CCDC112: variants seen among roughly 807,000 people sequenced by gnomAD.
CCDC112 encodes coiled-coil domain-containing protein 112.
A neutral mutation model predicts 66.3 loss-of-function variants in CCDC112; 40 were observed. That is an observed-to-expected ratio of 0.60 (90% confidence interval 0.47 to 0.79). The LOEUF is 0.79. Ranked by LOEUF, CCDC112 falls within the 30% of genes least tolerant of loss-of-function variation. The probability of loss-of-function intolerance (pLI) is 0.00; values close to 1 mark genes in which losing one functional copy is unlikely to be tolerated. For missense variants in CCDC112, 659 were observed against 603.8 expected (o/e 1.09, Z -0.96); for synonymous variants, 214 against 197.2 (o/e 1.09, Z -0.71).
At chr5:115,285,804 C>A (rs182686864) in intron 1 of CCDC112, among the ~76,000 whole-genome samples, 16 of 152,036 alleles carry the variant, frequency 1.1e-4, no homozygotes. Context: ...AGACTGGAAG[C>A]AGGAGATCAA....
chr5:115,286,085 G>A (rs1030199373), intron 1 of CCDC112, among the ~76,000 whole-genome samples: 3 of 152,202 alleles, frequency 2.0e-5, no homozygotes, highest in Admixed American at 6.5e-5. Context: ...TGTTTGAAGT[G>A]TACAATTCAG....
intron 9 of CCDC112, 73 bp downstream of exon 9, chr5:115,268,809 A>G: frequency 1.6e-6 from 1 of 640,258 alleles, no homozygotes; most frequent in Non-Finnish European, 2.6e-6. Context: ...TAATTTACAT[A>G]TAGTAAGTGC....
chr5:115,293,918 A>G (rs1750040502), intron 1 of CCDC112, among the ~76,000 whole-genome samples: 1 of 152,234 alleles, frequency 6.6e-6, no homozygotes, highest in Non-Finnish European at 1.5e-5. Context: ...TGATACTGTT[A>G]AAGATACTTC....
In CCDC112 at chr5:115,275,437, C is replaced by A. The variant is rs375526279; in HGVS notation, c.697G>T (p.Val233Leu). 1.9e-6 allele frequency: 3 copies of A among 1,613,860 alleles called. No homozygotes were observed. The highest frequency in any genetic ancestry group is 2.2e-5 in the East Asian group (1 of 44,878). The change falls in exon 6 of 10, where the codon GTA (valine) becomes TTA (leucine). Residue 233 changes from valine (V) to leucine (L), a missense_variant. Transcript: ENST00000379611. ...TGAAGGAATTTTTCAAAATCTAGTA[C>A]CTCTTCTGGAAGAGTACTTGGTGTT... ...KVTPSTLPEEVLDFEKFLQQT... is the reference protein window; with the variant it reads ...KVTPSTLPEELLDFEKFLQQT...
chr5:115,286,785 T>C (rs1749692988), intron 1 of CCDC112, among the ~76,000 whole-genome samples: 1 of 151,704 alleles, frequency 6.6e-6, no homozygotes, highest in Non-Finnish European at 1.5e-5. Flanking sequence ...CATGGTGGTG[T>C]GAGGCCACCA....
At chr5:115,278,756 G>C (rs999755602) in intron 3 of CCDC112, among the ~76,000 whole-genome samples, 1 of 152,110 alleles carries the variant, frequency 6.6e-6, no homozygotes, top group Admixed American at 6.5e-5. Flanking sequence ...TTTTAAAGTA[G>C]TGTAATCTTT....
rs1431774391 is a variant in CCDC112, at chr5:115,275,281, C to G, written c.853G>C (p.Asp285His). 1 of 1,613,928 alleles carries G rather than the reference C, an allele frequency of 6.2e-7. No homozygotes were observed. The highest frequency in any genetic ancestry group is 1.3e-5 in the African/African-American group (1 of 75,004). Residue 285 changes from aspartate to histidine, a missense_variant, in exon 6 of 10, where the codon GAT (aspartate) becomes CAT (histidine). Asp to His is a moderately conservative substitution (Grantham distance 81). Transcript: ENST00000379611. ...CATTTTTCATGCTGTTGAACTTCAT[C>G]TTGTGTTTTTCCAGGAAGGTGTTCT... ...VLEHLPGKTQ[D>H]EVQQHEKWYQ...
intron 1 of CCDC112, chr5:115,289,202 C>T (rs1209444367): frequency 5.7e-6 from 1 of 175,962 alleles, no homozygotes; most frequent in African/African-American, 2.4e-5. Flanking sequence ...GAAGATTTAT[C>T]CTTTCATGAC....
rs1164677458 is a variant in CCDC112, at chr5:115,296,562, T to A, written c.-19A>T. 13 of 1,457,682 alleles carry A rather than the reference T, an allele frequency of 8.9e-6. No individual in the cohort carries two copies. In the East Asian group the frequency reaches 3.7e-4, roughly 41 times the overall value. 90.3% of individuals were successfully genotyped at this position (1,457,682 alleles called of 1,614,324 possible). ...CGGCCATGTTTACCCGCCGAGCTAC[T>A]CGGGCCGCGGCGGCCACCGGTGCCT... On this transcript the variant is annotated 5_prime_UTR_variant, in exon 1 of 10. Transcript: ENST00000379611.
rs145983307 is a variant in CCDC112 at position 115,271,560 on chromosome 5, C to A, written c.985G>T (p.Ala329Ser). 9 of 1,579,878 alleles carry A rather than the reference C, an allele frequency of 5.7e-6. No individual in the cohort carries two copies. The highest frequency in any genetic ancestry group is 7.7e-6 in the Non-Finnish European group (9 of 1,169,468). The change falls in exon 7 of 10, where the codon GCA becomes TCA. Residue 329 changes from alanine (A) to serine (S), a missense_variant. Ala to Ser is a moderately conservative substitution (Grantham distance 99, BLOSUM62 1). Transcript: ENST00000379611. ...REEIFKLKEKADNTPVLFHNK... is the reference protein window; with the variant it reads ...REEIFKLKEKSDNTPVLFHNK... Reference sequence around the variant, plus strand: ...TGAAAAAGCACAGGTGTGTTGTCTGCCTTTTCCTTTAACTTGAAAATTTCC... The same window carrying A: ...TGAAAAAGCACAGGTGTGTTGTCTGACTTTTCCTTTAACTTGAAAATTTCC...
intron 7 of CCDC112, 78 bp downstream of exon 7, chr5:115,271,135 A>T (rs1007407338): frequency 6.9e-5 from 94 of 1,367,152 alleles, no homozygotes; most frequent in Non-Finnish European, 9.1e-5. Flanking sequence ...CAAATACTCA[A>T]TTTTTGCTTA....
At chr5:115,273,776 G>A (rs994584739) in intron 6 of CCDC112, among the ~76,000 whole-genome samples, 11 of 152,202 alleles carry the variant, frequency 7.2e-5, no homozygotes, top group African/African-American at 2.2e-4. Context: ...AGCCCGCTAA[G>A]TTCTAATAAG....
chr5:115,296,273 A>C, intron 1 of CCDC112, 154 bp downstream of exon 1: 1 of 1,308,200 alleles, frequency 7.6e-7, no homozygotes, highest in Non-Finnish European at 9.7e-7. Context: ...TTAAACGCAC[A>C]AGCCAACAAA....
intron 2 of CCDC112, 88 bp from the exon 3 acceptor site, chr5:115,279,856 T>C: frequency 1.4e-6 from 1 of 733,922 alleles, no homozygotes. Context: ...ATCCGTATTT[T>C]ATATTTGGAT....
At chr5:115,295,907 TA>T (rs1019585551) in intron 1 of CCDC112, 13 of 985,458 alleles carry the variant, frequency 1.3e-5, no homozygotes, top group Admixed American at 1.2e-4. Context: ...TGAACAAAGA[TA>T]CCTTGTCCTC....
At chr5:115,275,675 T>A in intron 5 of CCDC112, 69 bp from the exon 6 acceptor site, 2 of 1,122,252 alleles carry the variant, frequency 1.8e-6, no homozygotes, top group Non-Finnish European at 2.5e-6. Context: ...CCATCAAATT[T>A]AAGATACCTG....
Position 115,267,904 on chromosome 5 carries a change from C to A in CCDC112, c.1562G>T (p.Trp521Leu). The A allele has an allele frequency of 6.2e-7, 1 of 1,611,734 alleles. No individual in the cohort carries two copies. Among genetic ancestry groups the A allele is most frequent in the Non-Finnish European group, 8.5e-7 (1 of 1,178,156 alleles). Residue 521 changes from tryptophan (W) to leucine (L), a missense_variant, in exon 10 of 10, where the codon TGG becomes TTG. Coordinates refer to ENST00000379611, the MANE Select transcript of CCDC112 (RefSeq NM_001040440.3). ...LHIPHRAIPTWRQGIQRRV is the reference protein window; with the variant it reads ...LHIPHRAIPTLRQGIQRRV ...TACTCTTCTCTGTATTCCTTGTCTCCAGGTTGGAATAGCCCTAAGGAGAAA... is the reference window on the plus strand; with the variant it reads ...TACTCTTCTCTGTATTCCTTGTCTCAAGGTTGGAATAGCCCTAAGGAGAAA...
intron 2 of CCDC112, among the ~76,000 whole-genome samples, chr5:115,283,204 A>G (rs1336045646): frequency 6.6e-6 from 1 of 152,120 alleles, no homozygotes; most frequent in African/African-American, 2.4e-5. Context: ...TATACTCACC[A>G]TGCTGTACAT....
At chr5:115,292,474 A>C (rs887911855) in intron 1 of CCDC112, among the ~76,000 whole-genome samples, 3 of 152,204 alleles carry the variant, frequency 2.0e-5, no homozygotes. Flanking sequence ...GTCTTTGCCT[A>C]GTATGTCCAA....
Sources: gnomAD v4.1 joint callset for allele counts (sites outside exome capture counted in the v4.1 genomes callset) on GRCh38, gnomAD v4.1.1 for gene constraint, MANE v1.5 for transcripts, NCBI Gene and HGNC (gene_info 2026-07-23, HGNC 2026-07-21) for gene names.